PZP: variants seen among roughly 807,000 people sequenced by gnomAD.
PZP encodes the protein PZP alpha-2-macroglobulin like, also known as pregnancy zone protein.
PZP carries 150 observed loss-of-function variants against 179.8 expected under a neutral mutation model. That is an observed-to-expected ratio of 0.83 (90% CI 0.73 to 0.96). The LOEUF (loss-of-function observed/expected upper bound fraction) is 0.96, where lower values mean the gene tolerates loss of function less well. Among genes scored for constraint, PZP ranks in the 40% least tolerant of loss-of-function variants. The pLI is 0.00. For missense variants in PZP, 1,689 were observed against 1,764.0 expected, an observed-to-expected ratio of 0.96 and a Z score of 0.76; for synonymous variants, 624 against 652.3, an observed-to-expected ratio of 0.96 and a Z score of 0.66.
At chr12:9,162,968 C>T (rs1462223575) in intron 21 of PZP, among the ~76,000 whole-genome samples, 1 of 152,088 alleles carries the variant, frequency 6.6e-6, no homozygotes, top group East Asian at 1.9e-4. Context: ...ATATGTTGCT[C>T]GCCTCCATGT....
Position 9,153,224 on chromosome 12 carries a change from T to A in PZP, c.3894A>T (p.Val1298=). The A allele has an allele frequency of 6.2e-7, 1 of 1,614,208 alleles. No individual in the cohort carries two copies. Among genetic ancestry groups the A allele is most frequent in the South Asian group, 1.1e-5 (1 of 91,084 alleles). The change falls in exon 30 of 36, where the codon GTA becomes GTT. Residue 1298 remains valine (V), a synonymous_variant. Transcript: ENST00000261336. The part of the protein sequence containing the change: ...DSQTFSTNFQ[V]DNNNLLLLQQ... ...GCAGTAATAGGAGGTTGTTGTTGTC[T>A]ACTTGGAAATTTGTAGAAAAGGTCT...
intron 13 of PZP, among the ~76,000 whole-genome samples, chr12:9,191,903 T>G (rs567892447): frequency 1.2e-3 from 180 of 152,300 alleles, no homozygotes; most frequent in Non-Finnish European, 2.2e-3. Flanking sequence ...TGGAGATAAA[T>G]AGAAGGCAGC....
intron 4 of PZP, among the ~76,000 whole-genome samples, chr12:9,201,616 T>G (rs1184496262): frequency 2.6e-5 from 4 of 152,158 alleles, no homozygotes; most frequent in Non-Finnish European, 5.9e-5. Flanking sequence ...AGTATTAATA[T>G]TATTTGGATA....
Position 9,203,774 on chromosome 12 carries a change from G to A in PZP, c.261C>T (p.Ser87=), listed in dbSNP as rs756746568. The change falls in exon 2 of 36, where the codon TCC becomes TCT. Residue 87 remains serine, a synonymous_variant. Transcript: ENST00000261336. ...VAEKDLFHCV[S]FTLPRISASS... ...CTGGCACCGTAGCACTCACAGTGAA[G>A]GAGACACAGTGGAATAAGTCCTTCT... 26 of 1,613,944 alleles carry A rather than the reference G, an allele frequency of 1.6e-5. No individual in the cohort carries two copies. In the East Asian group the frequency reaches 4.7e-4, roughly 29 times the overall value.
chr12:9,178,566 C>T (rs947995675), intron 15 of PZP, among the ~76,000 whole-genome samples: 7 of 152,108 alleles, frequency 4.6e-5, no homozygotes, highest in South Asian at 2.1e-4. Context: ...CCAAGATCTA[C>T]GGTAAGAACG....
chr12:9,192,698 C>A lies in PZP; in HGVS notation c.1296G>T (p.Trp432Cys), dbSNP rs781599151. 1.9e-6 allele frequency: 3 copies of A among 1,613,472 alleles called. No individual in the cohort carries two copies. The highest frequency in any genetic ancestry group is 1.7e-5 in the Admixed American group (1 of 60,004). ...GAGCACCCTGGTGGTCTTCTGCTAC[C>A]CATGAATAGTGAAAACACAAGTTGG... ...VHPNLCFHYS[W>C]VAEDHQGAQH... The change falls in exon 12 of 36, where the codon TGG (tryptophan) becomes TGT (cysteine). Residue 432 changes from tryptophan to cysteine, a missense_variant. Trp to Cys is a radical substitution (Grantham distance 215). Transcript: ENST00000261336.
At position 9,166,058 on chromosome 12, in the gene PZP, G is replaced by C. The variant is rs2120752195; in HGVS notation, c.2252C>G (p.Ala751Gly). 6.2e-7 allele frequency: 1 copy of C among 1,605,732 alleles called. No individual in the cohort carries two copies. Among genetic ancestry groups the C allele is most frequent in the East Asian group, 2.2e-5 (1 of 44,808 alleles). The change falls in exon 18 of 36, where the codon GCA becomes GGA. Residue 751 changes from alanine (A) to glycine (G), a missense_variant. Physicochemically the swap from Ala to Gly is moderately conservative, Grantham distance 60. Around this residue, in one of 3 missense-constraint regions of PZP, gnomAD observed 201 missense variants for 284.2 expected, o/e 0.71. Coordinates refer to ENST00000261336, the MANE Select transcript of PZP (RefSeq NM_002864.3). ...GGAAAGTAAAGTTACTTACTTCACT[G>C]CCACCAACTCCCAGATCCAAGTCTC... ...FPETWIWELV[A>G]VNSSGVAEVG...
intron 6 of PZP, 108 bp downstream of exon 6, chr12:9,200,784 T>TGA: frequency 8.5e-7 from 1 of 1,171,788 alleles, no homozygotes. Flanking sequence ...GCAGTAAGTC[T>TGA]GACTCTACTG....
At chr12:9,206,997 T>G (rs1027693704) in intron 1 of PZP, among the ~76,000 whole-genome samples, 1 of 152,044 alleles carries the variant, frequency 6.6e-6, no homozygotes, top group African/African-American at 2.4e-5. Flanking sequence ...CCCACTGCTG[T>G]AGATGAGGTA....
chr12:9,158,725 T>TA, intron 25 of PZP, 149 bp from the exon 26 acceptor site: 1 of 683,902 alleles, frequency 1.5e-6, no homozygotes, highest in Non-Finnish European at 2.2e-6. Flanking sequence ...CTTTTTAGCT[T>TA]AGACATCTCT....
At chr12:9,175,313 A>G (rs1372767960) in intron 15 of PZP, among the ~76,000 whole-genome samples, 1 of 152,250 alleles carries the variant, frequency 6.6e-6, no homozygotes, top group Admixed American at 6.5e-5. Flanking sequence ...AAATTAACTC[A>G]AGATGAATTA....
intron 14 of PZP, among the ~76,000 whole-genome samples, chr12:9,181,484 C>T (rs749999360): frequency 5.4e-4 from 82 of 152,112 alleles, no homozygotes; most frequent in African/African-American, 1.9e-3. Context: ...AATGCTTTGG[C>T]GACACATTAA....
intron 26 of PZP, 61 bp downstream of exon 26, chr12:9,158,359 T>G (rs1940913477): frequency 6.3e-7 from 1 of 1,585,934 alleles, no homozygotes; most frequent in Admixed American, 1.7e-5. Flanking sequence ...CTTCCTCCCT[T>G]CACCCCTGGG....
chr12:9,199,773 G>A (rs1167627086), intron 7 of PZP, among the ~76,000 whole-genome samples: 1 of 152,070 alleles, frequency 6.6e-6, no homozygotes, highest in African/African-American at 2.4e-5. Context: ...AAAAGAACCT[G>A]GCAAATTTTA....
rs200286451 is a variant in PZP, at chr12:9,182,056, C to T, written c.1608G>A (p.Met536Ile). 51 of 1,613,738 alleles carry T rather than the reference C, an allele frequency of 3.2e-5. No individual in the cohort carries two copies. The highest frequency in any genetic ancestry group is 4.1e-5 in the Non-Finnish European group (48 of 1,179,868). The change falls in exon 14 of 36, where the codon ATG (methionine) becomes ATA (isoleucine). Residue 536 changes from methionine to isoleucine, a missense_variant. This residue lies in a region of PZP where 742 missense variants were observed against 730.5 expected (regional missense o/e 1.02). Coordinates refer to ENST00000261336, the MANE Select transcript of PZP (RefSeq NM_002864.3). ...CATCTGGTAAAATGGCAAAGATGAA[C>T]ATTCGTGCAATGGGGGCAACGTCTG... ...VESDVAPIAR[M>I]FIFAILPDGE...
At chr12:9,155,089 T>G (rs1206856860) in intron 28 of PZP, among the ~76,000 whole-genome samples, 1 of 152,170 alleles carries the variant, frequency 6.6e-6, no homozygotes, top group Non-Finnish European at 1.5e-5. Flanking sequence ...CTCTCCAATG[T>G]TATTTTAGTT....
chr12:9,178,971 C>A (rs1009843812), intron 15 of PZP, among the ~76,000 whole-genome samples: 1 of 152,110 alleles, frequency 6.6e-6, no homozygotes, highest in Admixed American at 6.5e-5. Context: ...TTTCATATTA[C>A]GAATTTACCA....
chr12:9,160,107 G>T, intron 24 of PZP, 82 bp from the exon 25 acceptor site: 1 of 1,345,806 alleles, frequency 7.4e-7, no homozygotes, highest in South Asian at 1.2e-5. Flanking sequence ...GCATCCAGGC[G>T]CCATGGACAT....
chr12:9,182,195 A>G lies in PZP; in HGVS notation c.1547-78T>C, dbSNP rs771120931. ...ATAAAAATAGTGTCATAAGGACACT[A>G]TTGCTTGGTCTTATCCACTTGAGAA... On this transcript the variant is annotated intron_variant, in intron 13 of 35. Coordinates refer to ENST00000261336, the MANE Select transcript of PZP (RefSeq NM_002864.3). 327 of 1,427,470 alleles carry G rather than the reference A, an allele frequency of 2.3e-4. 2 individuals carry two copies. The African/African-American group carries it at 2.9e-3, about 13-fold the overall frequency. 88.4% of individuals were successfully genotyped at this position (1,427,470 alleles called of 1,614,324 possible). A position where few individuals can be genotyped will look rare whatever the true frequency, so the allele number is the denominator to read the frequency against.
Sources: allele counts gnomAD v4.1 joint callset (sites outside exome capture counted in the v4.1 genomes callset), GRCh38; gene constraint gnomAD v4.1.1; regional missense constraint gnomAD v4.1.1; transcripts MANE v1.5; gene names NCBI Gene and HGNC (gene_info 2026-07-23, HGNC 2026-07-21).